The following MYCBPAP variants were observed in gnomAD, a reference collection of about 807,000 sequenced individuals.
MYCBPAP encodes the protein MYCBP-associated protein.
MYCBPAP carries 60 observed loss-of-function variants against 106.1 expected under a neutral mutation model. The observed-to-expected ratio is 0.57, with a 90% CI of 0.46 to 0.70. The LOEUF is 0.70. Among genes scored for constraint, MYCBPAP ranks in the 30% least tolerant of loss-of-function variants. The pLI, the probability that MYCBPAP is intolerant of heterozygous loss-of-function variation, is 0.00. For synonymous variants in MYCBPAP, 407 were observed against 440.6 expected (o/e 0.92, Z 0.95); for missense variants, 1,064 against 1,169.3 (o/e 0.91, Z 1.31).
chr17:50,515,487 C>G (rs1195079483), intron 1 of MYCBPAP, among the ~76,000 whole-genome samples: 2 of 152,190 alleles, frequency 1.3e-5, no homozygotes. Context: ...CTTGTGAAAC[C>G]CTGTGCCTTC....
At position 50,513,893 on chromosome 17, in the gene MYCBPAP, G is replaced by A. The variant is rs572722670; in HGVS notation, c.77-2677G>A. On this transcript the variant is annotated intron_variant, in intron 1 of 18. Transcript: ENST00000323776. ...CCAAGGCTGCATCCCCACACATGGC[G>A]GCAGATGAGACTGGAACTCGGGGTT... 6.6e-4 allele frequency among the ~76,000 whole-genome samples: 100 copies of A among 152,304 alleles called. No homozygotes were observed. The Middle Eastern group carries it at 0.014, about 21-fold the overall frequency.
chr17:50,530,330 C>T, intron 18 of MYCBPAP: 1 of 268,216 alleles, frequency 3.7e-6, no homozygotes, highest in South Asian at 3.2e-5. Flanking sequence ...CCCGTTTCTA[C>T]TAAAAATTCA....
chr17:50,518,843 A>G (rs1216158924), intron 5 of MYCBPAP, 119 bp downstream of exon 5: 9 of 1,463,180 alleles, frequency 6.2e-6, no homozygotes, highest in African/African-American at 1.4e-5. Flanking sequence ...TTCACTCCCA[A>G]GAGTGTCTCA....
Position 50,530,111 on chromosome 17 carries a change from G to A in MYCBPAP, c.2724+923G>A, listed in dbSNP as rs1042197865. On this transcript the variant is annotated intron_variant, in intron 18 of 18. Coordinates refer to ENST00000323776, the MANE Select transcript of MYCBPAP (RefSeq NM_032133.6). ...CACTGGTGACATCACTAAGATATCA[G>A]ATGGTTGATGGGGTCTAGAAAGTAA... The A allele has an allele frequency of 4.2e-5, 15 of 359,784 alleles. No individual in the cohort carries two copies. In the Middle Eastern group the frequency reaches 1.2e-3, roughly 29 times the overall value. The allele number at this position is 359,784 out of a possible 1,614,324, so 22.3% of individuals were successfully genotyped here.
In MYCBPAP at chr17:50,517,619, G is replaced by A. The variant is rs113141749; in HGVS notation, c.389G>A (p.Ser130Asn). Reference protein sequence around the residue: ...YSGPGDSFDGSDQILPHHILG... With the variant: ...YSGPGDSFDGNDQILPHHILG... ...GGTCCCGGTGACAGCTTCGATGGCA[G>A]TGACCAGATCCTGCCCCACCACATC... Residue 130 changes from serine to asparagine, a missense_variant, in exon 4 of 19, where the codon AGT (serine) becomes AAT (asparagine). Transcript: ENST00000323776. 5,233 of 1,614,164 alleles carry A rather than the reference G, an allele frequency of 3.2e-3. 18 individuals carry two copies. Among genetic ancestry groups the A allele is most frequent in the South Asian group, 6.2e-3 (561 of 91,086 alleles).
intron 7 of MYCBPAP, among the ~76,000 whole-genome samples, chr17:50,520,440 G>T (rs1202457782): frequency 1.3e-5 from 2 of 152,148 alleles, no homozygotes; most frequent in Non-Finnish European, 2.9e-5. Flanking sequence ...GGGAGGTGGA[G>T]GTTGCAGTGA....
chr17:50,525,089 G>A (rs770143984), intron 13 of MYCBPAP, 66 bp downstream of exon 13: 1 of 1,549,832 alleles, frequency 6.5e-7, no homozygotes, highest in Admixed American at 1.8e-5. Flanking sequence ...CAACCCGCAG[G>A]CCGCACAGCG....
At chr17:50,519,952 C>T (rs1348293756) in intron 7 of MYCBPAP, 165 bp downstream of exon 7, 14 of 711,724 alleles carry the variant, frequency 2.0e-5, no homozygotes, top group Non-Finnish European at 3.1e-5. Flanking sequence ...AAGTCCGGCT[C>T]CCTCTTCTTT....
At chr17:50,529,723 A>G (rs770035511) in intron 18 of MYCBPAP, 14 of 455,910 alleles carry the variant, frequency 3.1e-5, no homozygotes, top group Non-Finnish European at 2.2e-5. Flanking sequence ...CTCTAGGGGA[A>G]CAGAGAGGAA....
chr17:50,525,457 C>G (rs913755186), intron 13 of MYCBPAP, among the ~76,000 whole-genome samples: 12 of 152,166 alleles, frequency 7.9e-5, no homozygotes, highest in Admixed American at 7.2e-4. Flanking sequence ...CTCTTCACAG[C>G]AGTCCTATGA....
rs373928628 is a variant in MYCBPAP at position 50,524,737 on chromosome 17, T to TGTGTGTGTGTGTGTGTGTGA, written c.1636-139_1636-138insTGTGTGTGTGTGTGTGTGAG. 1,421 of 462,860 alleles carry TGTGTGTGTGTGTGTGTGTGA rather than the reference T, an allele frequency of 3.1e-3. 6 individuals carry two copies. Among genetic ancestry groups the TGTGTGTGTGTGTGTGTGTGA allele is most frequent in the African/African-American group, 8.8e-3 (355 of 40,470 alleles). The allele number at this position is 462,860 out of a possible 1,614,324, so 28.7% of individuals were successfully genotyped here. A position where few individuals can be genotyped will look rare whatever the true frequency, so the allele number is the denominator to read the frequency against. ...GTGTGTGTGTGTGTGTGTGTGTGTG[T>TGTGTGTGTGTGTGTGTGTGA]GAGAGAGAGAGAGAGAGAGAGACAA... On this transcript the variant is annotated intron_variant, in intron 12 of 18. Transcript: ENST00000323776.
intron 10 of MYCBPAP, chr17:50,522,709 A>ATATATATATATATATATATAT (rs1555620722): frequency 4.2e-4 from 21 of 50,032 alleles, no homozygotes; most frequent in African/African-American, 1.9e-3. Context: ...AAAAAAAAAA[A>ATATATATATATATATATATAT]ATATATATAT....
chr17:50,526,348 G>T (rs1427526575), intron 14 of MYCBPAP, 81 bp downstream of exon 14: 2 of 1,430,168 alleles, frequency 1.4e-6, no homozygotes, highest in African/African-American at 1.4e-5. Flanking sequence ...AGCCCCTCTT[G>T]CTCTATGGGC....
rs748851131 is a variant in MYCBPAP, at chr17:50,531,401, CGAGGAG to C, written c.2801_2806del (p.Glu934_Glu935del). The C allele has an allele frequency of 8.1e-6, 13 of 1,613,204 alleles. No homozygotes were observed. The highest frequency in any genetic ancestry group is 1.1e-5 in the Non-Finnish European group (13 of 1,179,754). On this transcript the variant is annotated inframe_deletion, in exon 19 of 19. Coordinates refer to ENST00000323776, the MANE Select transcript of MYCBPAP (RefSeq NM_032133.6). ...ATGAGCTCAGCCCCATAAAGAATGTCGAGGAGGCTTTGCGCCTCTGCAGGTGACTCT... is the reference window on the plus strand; with the variant it reads ...ATGAGCTCAGCCCCATAAAGAATGTCGCTTTGCGCCTCTGCAGGTGACTCT...
intron 1 of MYCBPAP, among the ~76,000 whole-genome samples, chr17:50,513,987 C>T (rs1382277949): frequency 3.9e-5 from 6 of 152,202 alleles, no homozygotes; most frequent in Non-Finnish European, 8.8e-5. Flanking sequence ...TACTTCCAAA[C>T]CTCTGCTGAC....
In MYCBPAP at chr17:50,529,193, A is replaced by C. The variant is rs2034557563; in HGVS notation, c.2724+5A>C. ...ACCCAGAGCCTGCACAGTGAGGTGAAGGGAAGCGCCCAGCAGCCATTCCCC... is the reference window on the plus strand; with the variant it reads ...ACCCAGAGCCTGCACAGTGAGGTGACGGGAAGCGCCCAGCAGCCATTCCCC... On this transcript the variant is annotated splice_donor_5th_base_variant and intron_variant, in intron 18 of 18. Transcript: ENST00000323776. The C allele has an allele frequency of 1.2e-6, 2 of 1,609,218 alleles. No homozygotes were observed. Among genetic ancestry groups the C allele is most frequent in the African/African-American group, 1.3e-5 (1 of 74,698 alleles).
intron 1 of MYCBPAP, chr17:50,510,497 GTGTATATATATATATATATATATATATA>G (rs1337534433): frequency 3.4e-5 from 3 of 89,506 alleles, no homozygotes; most frequent in South Asian, 3.7e-4. Flanking sequence ...GTGTGTGTGT[GTGTATATATATATATATATATATATATA>G]TATATATATA....
intron 13 of MYCBPAP, 25 bp from the exon 14 acceptor site, chr17:50,525,856 C>T (rs1322216743): frequency 6.4e-7 from 1 of 1,565,180 alleles, no homozygotes; most frequent in South Asian, 1.2e-5. Flanking sequence ...CTCCCCCTCA[C>T]ATGCCTTCCC....
In MYCBPAP at chr17:50,517,407, C is replaced by T. The variant is rs773750865; in HGVS notation, c.319C>T (p.Arg107Cys). 74 of 1,614,176 alleles carry T rather than the reference C, an allele frequency of 4.6e-5. No homozygotes were observed. In the Admixed American group the frequency reaches 4.8e-4, roughly 11 times the overall value. Residue 107 changes from arginine (R) to cysteine (C), a missense_variant, in exon 3 of 19, where the codon CGT becomes TGT. Transcript: ENST00000323776. ...GAGGAAGGTCTGCCACCTTGTAGCACGTCCTGCGAATCCTGATGAAGCCAC... is the reference window on the plus strand; with the variant it reads ...GAGGAAGGTCTGCCACCTTGTAGCATGTCCTGCGAATCCTGATGAAGCCAC... ...PRRKVCHLVA[R>C]PANPDEATKP...
Sources: gnomAD v4.1 joint callset for allele counts (sites outside exome capture counted in the v4.1 genomes callset) on GRCh38, gnomAD v4.1.1 for gene constraint, MANE v1.5 for transcripts, NCBI Gene and HGNC (gene_info 2026-07-23, HGNC 2026-07-21) for gene names.